The following RBPMS2 variants were observed in gnomAD, a reference collection of about 807,000 sequenced individuals.
RBPMS2 encodes the protein RNA binding protein, mRNA processing factor 2.
RBPMS2 carries 14 observed loss-of-function variants against 25.7 expected under a neutral mutation model. The observed-to-expected ratio is 0.55, with a 90% CI of 0.36 to 0.85. The LOEUF is 0.85. Ranked by LOEUF, RBPMS2 falls within the 40% of genes least tolerant of loss-of-function variation. The pLI is 0.01. For synonymous variants in RBPMS2, 127 were observed against 115.6 expected, an observed-to-expected ratio of 1.10 and a Z score of -0.63; for missense variants, 252 against 283.4, an observed-to-expected ratio of 0.89 and a Z score of 0.80.
At position 64,752,932 on chromosome 15, in the gene RBPMS2, T is replaced by C. The variant is rs79476676; in HGVS notation, c.88-1294A>G. ...CGGCTGATGCTGTGAATTTTGAGCA[T>C]TGCCCCCAACATGGTTACAAGCCAG... On this transcript the variant is annotated intron_variant, in intron 1 of 7. Transcript: ENST00000300069. Among the ~76,000 whole-genome samples, 508 of 152,134 alleles carry C rather than the reference T, an allele frequency of 3.3e-3. 1 individual carries two copies. Among genetic ancestry groups the C allele is most frequent in the African/African-American group, 0.012 (490 of 41,508 alleles).
At chr15:64,744,832 T>G (rs7162196) in intron 6 of RBPMS2, among the ~76,000 whole-genome samples, 1 of 79,278 alleles carries the variant, frequency 1.3e-5, no homozygotes, top group Non-Finnish European at 2.4e-5. Flanking sequence ...TTTTTTTTTT[T>G]GAGACAGAGT....
At position 64,749,016 on chromosome 15, in the gene RBPMS2, G is replaced by A. The variant is rs373694645; in HGVS notation, c.402C>T (p.Phe134=). 7.4e-6 allele frequency: 12 copies of A among 1,614,082 alleles called. No individual in the cohort carries two copies. In the African/African-American group the frequency reaches 1.6e-4, roughly 22 times the overall value. The change falls in exon 5 of 8, where the codon TTC becomes TTT. Residue 134 remains phenylalanine, a synonymous_variant. Coordinates refer to ENST00000300069, the MANE Select transcript of RBPMS2 (RefSeq NM_194272.3). ...GCCACTCACAGGGGTCCCGTGCGAT[G>A]AAGTGTGCTCCTAGGGCGGGGTGCA... ...SNVHPALGAH[F]IARDPYDLMG...
At chr15:64,742,393 C>T (rs886704917) in intron 6 of RBPMS2, among the ~76,000 whole-genome samples, 2 of 152,228 alleles carry the variant, frequency 1.3e-5, no homozygotes, top group Non-Finnish European at 2.9e-5. Context: ...AGATCATCCT[C>T]ACCAGTGCCT....
chr15:64,743,171 G>A (rs973782109), intron 6 of RBPMS2, among the ~76,000 whole-genome samples: 1 of 152,230 alleles, frequency 6.6e-6, no homozygotes, highest in Non-Finnish European at 1.5e-5. Context: ...TGTCCCGCAG[G>A]GCCGGACAAG....
intron 1 of RBPMS2, among the ~76,000 whole-genome samples, chr15:64,774,099 C>G (rs780704968): frequency 6.6e-6 from 1 of 152,192 alleles, no homozygotes; most frequent in African/African-American, 2.4e-5. Context: ...CCAGCCCAGC[C>G]GAGGGCCACC....
intron 1 of RBPMS2, among the ~76,000 whole-genome samples, chr15:64,752,237 C>T (rs548918696): frequency 1.3e-5 from 2 of 152,098 alleles, no homozygotes; most frequent in African/African-American, 4.8e-5. Flanking sequence ...TTTTTTAATC[C>T]ATTGCACCAC....
intron 1 of RBPMS2, among the ~76,000 whole-genome samples, chr15:64,758,341 A>G (rs142377881): frequency 5.3e-5 from 8 of 152,368 alleles, no homozygotes; most frequent in African/African-American, 1.9e-4. Context: ...AAATGCTGGG[A>G]GCACAGTCAG....
At chr15:64,754,246 A>C (rs2083710671) in intron 1 of RBPMS2, among the ~76,000 whole-genome samples, 1 of 152,130 alleles carries the variant, frequency 6.6e-6, no homozygotes, top group South Asian at 2.1e-4. Flanking sequence ...CAGGAGGCAG[A>C]GGTTGTGGTG....
chr15:64,756,981 T>C (rs1315603836), intron 1 of RBPMS2, among the ~76,000 whole-genome samples: 2 of 146,866 alleles, frequency 1.4e-5, no homozygotes, highest in African/African-American at 2.5e-5. Context: ...TTTTTTTTTT[T>C]TTTTTTTTGG....
chr15:64,748,649 G>C, intron 5 of RBPMS2, 82 bp from the exon 6 acceptor site: 1 of 1,470,462 alleles, frequency 6.8e-7, no homozygotes, highest in Non-Finnish European at 9.1e-7. Flanking sequence ...CACTATGGTT[G>C]AGCCATATGC....
In RBPMS2 at chr15:64,775,232, C is replaced by G; in HGVS notation, c.87+1G>C. 7.7e-7 allele frequency: 1 copy of G among 1,294,966 alleles called. No individual in the cohort carries two copies. The highest frequency in any genetic ancestry group is 9.8e-7 in the Non-Finnish European group (1 of 1,019,262). 80.2% of individuals were successfully genotyped at this position (1,294,966 alleles called of 1,614,324 possible). On this transcript the variant is annotated splice_donor_variant, in intron 1 of 7. Transcript: ENST00000300069. LOFTEE classifies it high-confidence loss of function. The stretch of plus-strand genomic sequence containing the variant: ...GGCAAGTCCCGGGGCCACAGACCCA[C>G]CTCCTCCTCCAGGGCGCCGCCGGAG...
chr15:64,749,372 G>A, intron 4 of RBPMS2, 59 bp downstream of exon 4: 2 of 1,468,284 alleles, frequency 1.4e-6, no homozygotes, highest in South Asian at 1.1e-5. Context: ...AGATACATCT[G>A]CACACCCACT....
At position 64,764,606 on chromosome 15, in the gene RBPMS2, T is replaced by C. The variant is rs2083824523; in HGVS notation, c.87+10627A>G. On this transcript the variant is annotated intron_variant, in intron 1 of 7. Transcript: ENST00000300069. ...ATCCCAAGCTGTGCCCGGATGTATATGGCCACGACTGTACAGCAAGAACAA... is the reference window on the plus strand; with the variant it reads ...ATCCCAAGCTGTGCCCGGATGTATACGGCCACGACTGTACAGCAAGAACAA... Among the ~76,000 whole-genome samples, 3 of 152,166 alleles carry C rather than the reference T, an allele frequency of 2.0e-5. No individual in the cohort carries two copies. In the South Asian group the frequency reaches 6.2e-4, roughly 32 times the overall value.
At chr15:64,760,339 G>A (rs755265946) in intron 1 of RBPMS2, among the ~76,000 whole-genome samples, 5 of 152,236 alleles carry the variant, frequency 3.3e-5, no homozygotes, top group African/African-American at 7.2e-5. Flanking sequence ...GGACAAGCCC[G>A]ATGCTGAGGG....
chr15:64,765,392 C>T (rs1455137952), intron 1 of RBPMS2, among the ~76,000 whole-genome samples: 4 of 146,790 alleles, frequency 2.7e-5, no homozygotes, highest in South Asian at 4.3e-4. Context: ...TCCAGCCTGG[C>T]GACAGAGCAA....
At chr15:64,768,822 C>T (rs1384195601) in intron 1 of RBPMS2, among the ~76,000 whole-genome samples, 2 of 147,012 alleles carry the variant, frequency 1.4e-5, no homozygotes, top group East Asian at 2.0e-4. Context: ...AATTTAAGGC[C>T]GGGCGCCGTG....
intron 1 of RBPMS2, among the ~76,000 whole-genome samples, chr15:64,772,703 AC>A: frequency 6.6e-6 from 1 of 151,852 alleles, no homozygotes; most frequent in Middle Eastern, 3.4e-3. Context: ...CCTCCTACTC[AC>A]CCACATCTCA....
rs780650743 is a variant in RBPMS2 at position 64,748,524 on chromosome 15, G to A, written c.462C>T (p.Ala154=). The A allele has an allele frequency of 6.8e-6, 11 of 1,606,086 alleles. No homozygotes were observed. The highest frequency in any genetic ancestry group is 1.3e-5 in the African/African-American group (1 of 74,620). The change falls in exon 6 of 8, where the codon GCC becomes GCT. Residue 154 remains alanine, a synonymous_variant. Coordinates refer to ENST00000300069, the MANE Select transcript of RBPMS2 (RefSeq NM_194272.3). ...TGGTGTACAAAGGGTAGGGGGCCCA[G>A]GCCTCTGGGGATGCAGGGATCAGAG... The part of the protein sequence containing the change: ...GAALIPASPE[A]WAPYPLYTTE...
chr15:64,750,991 G>A (rs1327119933), intron 2 of RBPMS2, among the ~76,000 whole-genome samples: 10 of 150,052 alleles, frequency 6.7e-5, no homozygotes, highest in Non-Finnish European at 1.5e-5. Context: ...TGAGCCGCAC[G>A]CCACTGCACT....
Sources: allele counts gnomAD v4.1 joint callset (sites outside exome capture counted in the v4.1 genomes callset), GRCh38; gene constraint gnomAD v4.1.1; transcripts MANE v1.5; gene names NCBI Gene and HGNC (gene_info 2026-07-23, HGNC 2026-07-21).